CCK: variants seen among roughly 807,000 people sequenced by gnomAD.
The protein encoded by CCK is cholecystokinin.
In CCK, 11 loss-of-function variants were observed where a neutral mutation model predicts 10.1. That is an observed-to-expected ratio of 1.09 (90% CI 0.69 to 1.81). The LOEUF is 1.81. Ranked by LOEUF, CCK falls within the 40% of genes most tolerant of loss-of-function variation. The pLI, the probability that CCK is intolerant of heterozygous loss-of-function variation, is 0.00. For synonymous variants in CCK, 83 were observed against 71.9 expected (o/e 1.15, Z -0.78); for missense variants, 137 against 159.9 (o/e 0.86, Z 0.77).
Position 42,263,450 on chromosome 3 carries a change from G to A in CCK, c.181C>T (p.Leu61=), listed in dbSNP as rs1362533634. 6.2e-6 allele frequency: 10 copies of A among 1,614,066 alleles called. No individual in the cohort carries two copies. The Admixed American group carries it at 1.7e-4, about 27-fold the overall frequency. Residue 61 remains leucine, a synonymous_variant, in exon 4 of 5, where the codon CTG becomes TTG. Coordinates refer to ENST00000396169, the MANE Select transcript of CCK (RefSeq NM_000729.6). The part of the protein sequence containing the change: ...DGESRAHLGA[L]LARYIQQARK... ...GCCTGCTGGATGTATCTTGCCAGCA[G>A]GGCGCCCAGGTGCGCTCGGGACTCG...
rs199531570 is a variant in CCK, at chr3:42,263,399, G to A, written c.214+18C>T. 22 of 1,614,168 alleles carry A rather than the reference G, an allele frequency of 1.4e-5. No homozygotes were observed. The East Asian group carries it at 4.9e-4, about 36-fold the overall frequency. The stretch of plus-strand genomic sequence containing the variant: ...GGAACAAGGGCAGAAGTGAGGGATG[G>A]GGAGGCAGCATTCTTACCTTTCCGG... On this transcript the variant is annotated intron_variant, in intron 4 of 4. Transcript: ENST00000396169.
chr3:42,263,334 C>T (rs1711241652), intron 4 of CCK, 83 bp downstream of exon 4: 1 of 1,603,074 alleles, frequency 6.2e-7, no homozygotes. Context: ...TCATCCCCAT[C>T]AGGCTAGCGC....
chr3:42,260,459 CA>C (rs780902742), intron 4 of CCK, among the ~76,000 whole-genome samples: 4 of 152,168 alleles, frequency 2.6e-5, no homozygotes, highest in Non-Finnish European at 5.9e-5. Context: ...ACGGTGGGGG[CA>C]CCATGTTCAG....
intron 4 of CCK, among the ~76,000 whole-genome samples, chr3:42,262,278 T>A (rs956744368): frequency 7.0e-6 from 1 of 143,192 alleles, no homozygotes; most frequent in Non-Finnish European, 1.5e-5. Context: ...CAGAGTGCAA[T>A]GGCACAATCT....
intron 4 of CCK, 52 bp downstream of exon 4, chr3:42,263,365 G>A (rs1304819430): frequency 6.2e-7 from 1 of 1,613,688 alleles, no homozygotes; most frequent in Non-Finnish European, 8.5e-7. Context: ...GGTCAGCATC[G>A]GGAGCCTGGG....
rs1299483894 is a variant in CCK at position 42,257,991 on chromosome 3, C to T, written c.*107G>A. The T allele has an allele frequency of 1.6e-6, 2 of 1,220,246 alleles. No homozygotes were observed. Among genetic ancestry groups the T allele is most frequent in the Non-Finnish European group, 2.3e-6 (2 of 873,004 alleles). The allele number at this position is 1,220,246 out of a possible 1,614,324, so 75.6% of individuals were successfully genotyped here. A position where few individuals can be genotyped will look rare whatever the true frequency, so the allele number is the denominator to read the frequency against. On this transcript the variant is annotated 3_prime_UTR_variant, in exon 5 of 5. Coordinates refer to ENST00000396169, the MANE Select transcript of CCK (RefSeq NM_000729.6). ...TGAGAACTTAATAAATAGATACATA[C>T]AATGTCAAACTCCACAGACAATGAG...
intron 4 of CCK, chr3:42,263,173 T>G: frequency 1.6e-6 from 1 of 622,100 alleles, no homozygotes; most frequent in Non-Finnish European, 2.9e-6. Flanking sequence ...AAAATGGTGT[T>G]GAACTTAATC....
chr3:42,261,062 T>C (rs924904088), intron 4 of CCK, among the ~76,000 whole-genome samples: 6 of 152,188 alleles, frequency 3.9e-5, no homozygotes, highest in African/African-American at 1.4e-4. Flanking sequence ...AGATGTAGCA[T>C]TGAAGCTTTG....
chr3:42,262,217 CTTTTTTTTT>C lies in CCK; in HGVS notation c.214+1191_214+1199del, dbSNP rs11298401. ...CCCTTCCAGCAGTGTTTGCTAAGTTCTTTTTTTTTTTTTTTTTTTTTTTAGACAGTTTCA... is the reference window on the plus strand; with the variant it reads ...CCCTTCCAGCAGTGTTTGCTAAGTTCTTTTTTTTTTTTTTAGACAGTTTCA... On this transcript the variant is annotated intron_variant, in intron 4 of 4. Transcript: ENST00000396169. Among the ~76,000 whole-genome samples, 5 of 101,246 alleles carry C rather than the reference CTTTTTTTTT, an allele frequency of 4.9e-5. No homozygotes were observed. In the East Asian group the frequency reaches 1.2e-3, roughly 24 times the overall value. The allele number at this position is 101,246 out of a possible 152,430, so 66.4% of individuals were successfully genotyped here.
Position 42,257,995 on chromosome 3 carries a change from G to T in CCK, c.*103C>A. On this transcript the variant is annotated 3_prime_UTR_variant, in exon 5 of 5. Coordinates refer to ENST00000396169, the MANE Select transcript of CCK (RefSeq NM_000729.6). ...AACTTAATAAATAGATACATACAATGTCAAACTCCACAGACAATGAGTTAT... is the reference window on the plus strand; with the variant it reads ...AACTTAATAAATAGATACATACAATTTCAAACTCCACAGACAATGAGTTAT... 7.9e-7 allele frequency: 1 copy of T among 1,269,506 alleles called. No individual in the cohort carries two copies. The highest frequency in any genetic ancestry group is 1.1e-6 in the Non-Finnish European group (1 of 915,560). 78.6% of individuals were successfully genotyped at this position (1,269,506 alleles called of 1,614,324 possible).
Position 42,265,305 on chromosome 3 carries a change from G to A in CCK, c.-250C>T, listed in dbSNP as rs1487346524. 6.6e-6 allele frequency: 1 copy of A among 152,252 alleles called. No homozygotes were observed. The highest frequency in any genetic ancestry group is 1.5e-5 in the Non-Finnish European group (1 of 68,132). The allele number at this position is 152,252 out of a possible 1,614,324, so 9.4% of individuals were successfully genotyped here. ...CTTTCGAAGGAGAGAGGAGGAGTCG[G>A]GGTCTTCACTTTCTTCTCAGCCGCA... On this transcript the variant is annotated 5_prime_UTR_variant, in exon 2 of 5. Coordinates refer to ENST00000396169, the MANE Select transcript of CCK (RefSeq NM_000729.6).
intron 4 of CCK, 105 bp from the exon 5 acceptor site, chr3:42,258,336 A>T: frequency 8.0e-7 from 1 of 1,253,170 alleles, no homozygotes; most frequent in Non-Finnish European, 1.1e-6. Flanking sequence ...AATATAACAG[A>T]CACCACCTTA....
At chr3:42,264,560 A>G (rs993201918) in intron 3 of CCK, 137 bp downstream of exon 3, 4 of 152,112 alleles carry the variant, frequency 2.6e-5, no homozygotes, top group African/African-American at 9.7e-5. Flanking sequence ...TTCTGACTTC[A>G]AGAAATGTCT....
chr3:42,260,962 C>T (rs1711202386), intron 4 of CCK, among the ~76,000 whole-genome samples: 1 of 152,196 alleles, frequency 6.6e-6, no homozygotes, highest in Non-Finnish European at 1.5e-5. Context: ...ATGTAGGTTA[C>T]TCAGGCTTTT....
At chr3:42,258,620 T>C (rs910797320) in intron 4 of CCK, among the ~76,000 whole-genome samples, 1 of 152,218 alleles carries the variant, frequency 6.6e-6, no homozygotes, top group Admixed American at 6.5e-5. Context: ...ACCAAAGATT[T>C]TTCCAGTACT....
chr3:42,259,707 G>A (rs1041896725), intron 4 of CCK, among the ~76,000 whole-genome samples: 7 of 152,212 alleles, frequency 4.6e-5, no homozygotes, highest in African/African-American at 2.4e-5. Flanking sequence ...CACTGAGTGA[G>A]CAGGGACATG....
At position 42,257,955 on chromosome 3, in the gene CCK, A is replaced by AT. The variant is rs1711157909; in HGVS notation, c.*142dup. On this transcript the variant is annotated 3_prime_UTR_variant, in exon 5 of 5. Transcript: ENST00000396169. ...TTGCACTGGACAATCTTACAGACAC[A>AT]TTTTTCACATTGAGAACTTAATAAA... The AT allele has an allele frequency of 1.2e-6, 1 of 869,050 alleles. No homozygotes were observed. The highest frequency in any genetic ancestry group is 3.2e-5 in the Admixed American group (1 of 31,720). 53.8% of individuals were successfully genotyped at this position (869,050 alleles called of 1,614,324 possible).
At chr3:42,261,471 G>A (rs932718037) in intron 4 of CCK, among the ~76,000 whole-genome samples, 1 of 152,062 alleles carries the variant, frequency 6.6e-6, no homozygotes, top group African/African-American at 2.4e-5. Flanking sequence ...TTCCCTCCTG[G>A]GTTTGTTTGG....
At chr3:42,258,259 G>A in intron 4 of CCK, 28 bp from the exon 5 acceptor site, 4 of 1,601,738 alleles carry the variant, frequency 2.5e-6, no homozygotes, top group Non-Finnish European at 2.6e-6. Flanking sequence ...GAAGGAAACA[G>A]GGACATTGCA....
Sources: gnomAD v4.1 joint callset for allele counts (sites outside exome capture counted in the v4.1 genomes callset) on GRCh38, gnomAD v4.1.1 for gene constraint, MANE v1.5 for transcripts, NCBI Gene and HGNC (gene_info 2026-07-23, HGNC 2026-07-21) for gene names.